MLX: variants seen among roughly 807,000 people sequenced by gnomAD.
MLX encodes the protein MAX dimerization protein MLX.
Under a neutral mutation model 33.0 loss-of-function variants are expected in MLX, and 15 were observed. That is an observed-to-expected ratio of 0.45 (90% CI 0.30 to 0.70). MLX has a LOEUF of 0.70. MLX is among the 30% of genes least tolerant of loss of function. MLX has a pLI of 0.07. For synonymous variants in MLX, 115 were observed against 115.6 expected, an observed-to-expected ratio of 0.99 and a Z score of 0.03; for missense variants, 285 against 306.3, an observed-to-expected ratio of 0.93 and a Z score of 0.52.
chr17:42,571,966 T>C lies in MLX; in HGVS notation c.*363T>C. 3.6e-6 allele frequency: 1 copy of C among 277,270 alleles called. No homozygotes were observed. Among genetic ancestry groups the C allele is most frequent in the Non-Finnish European group, 7.0e-6 (1 of 142,442 alleles). The allele number at this position is 277,270 out of a possible 1,614,324, so 17.2% of individuals were successfully genotyped here. ...ATGATCTACATAGATTTGGAAACTGTTTTCCTCTGTTTTGGTCTCTTGGGC... is the reference window on the plus strand; with the variant it reads ...ATGATCTACATAGATTTGGAAACTGCTTTCCTCTGTTTTGGTCTCTTGGGC... On this transcript the variant is annotated 3_prime_UTR_variant, in exon 8 of 8. Transcript: ENST00000435881.
intron 7 of MLX, 76 bp downstream of exon 7, chr17:42,570,259 G>A: frequency 6.9e-7 from 1 of 1,452,086 alleles, no homozygotes; most frequent in Non-Finnish European, 9.6e-7. Flanking sequence ...ATCAGCTGTT[G>A]AGAAAAGCGT....
At chr17:42,567,680 T>C in intron 2 of MLX, 25 bp downstream of exon 2, 1 of 1,613,896 alleles carries the variant, frequency 6.2e-7, no homozygotes. Flanking sequence ...CATCTTAAGC[T>C]CTAGAGGGAC....
chr17:42,572,472 G>A lies in MLX; in HGVS notation c.*869G>A, dbSNP rs2093038957. The A allele has an allele frequency of 2.2e-6, 1 of 454,456 alleles. No homozygotes were observed. Among genetic ancestry groups the A allele is most frequent in the Non-Finnish European group, 4.4e-6 (1 of 226,768 alleles). 28.2% of individuals were successfully genotyped at this position (454,456 alleles called of 1,614,324 possible). On this transcript the variant is annotated 3_prime_UTR_variant, in exon 8 of 8. Transcript: ENST00000435881. ...GCATTTCTCCCAGGACTTGGGGGTGGGGTGAAAAGCGTACAAAAGATACTT... is the reference window on the plus strand; with the variant it reads ...GCATTTCTCCCAGGACTTGGGGGTGAGGTGAAAAGCGTACAAAAGATACTT...
Position 42,570,967 on chromosome 17 carries a change from A to AT in MLX, c.679-575dup, listed in dbSNP as rs577214221. Reference sequence around the variant, plus strand: ...ACTGTGCCTGGCCTCGTTTCCCAACATTTTTATTGTGAAACACATTAAACA... The same window carrying AT: ...ACTGTGCCTGGCCTCGTTTCCCAACATTTTTTATTGTGAAACACATTAAACA... On this transcript the variant is annotated intron_variant, in intron 7 of 7. Coordinates refer to ENST00000435881, the MANE Select transcript of MLX (RefSeq NM_198204.2). Among the ~76,000 whole-genome samples, 8 of 152,002 alleles carry AT rather than the reference A, an allele frequency of 5.3e-5. No individual in the cohort carries two copies. The East Asian group carries it at 1.6e-3, about 30-fold the overall frequency.
At chr17:42,568,368 AAAAT>A (rs1052070641) in intron 2 of MLX, 98 bp from the exon 3 acceptor site, 40 of 813,050 alleles carry the variant, frequency 4.9e-5, no homozygotes, top group African/African-American at 1.7e-4. Flanking sequence ...GTCTAAAAAA[AAAAT>A]AAATAAATAA....
rs755047112 is a variant in MLX at position 42,571,842 on chromosome 17, C to G, written c.*239C>G. ...TAAAACTCAAACCTACCCAGCCTTCCCCCCACTCCATGGAAGTCCTTGGGA... is the reference window on the plus strand; with the variant it reads ...TAAAACTCAAACCTACCCAGCCTTCGCCCCACTCCATGGAAGTCCTTGGGA... On this transcript the variant is annotated 3_prime_UTR_variant, in exon 8 of 8. Coordinates refer to ENST00000435881, the MANE Select transcript of MLX (RefSeq NM_198204.2). 2 of 536,046 alleles carry G rather than the reference C, an allele frequency of 3.7e-6. No individual in the cohort carries two copies. The highest frequency in any genetic ancestry group is 6.7e-6 in the Non-Finnish European group (2 of 297,356). The allele number at this position is 536,046 out of a possible 1,614,324, so 33.2% of individuals were successfully genotyped here. A position where few individuals can be genotyped will look rare whatever the true frequency, so the allele number is the denominator to read the frequency against.
At chr17:42,569,367 C>CCTA in intron 5 of MLX, 64 bp downstream of exon 5, 12 of 1,550,206 alleles carry the variant, frequency 7.7e-6, no homozygotes, top group Non-Finnish European at 1.1e-5. Flanking sequence ...GCCAGTGCCT[C>CCTA]CTACCCACCC....
intron 2 of MLX, 109 bp from the exon 3 acceptor site, chr17:42,568,361 T>A: frequency 1.5e-6 from 1 of 674,768 alleles, no homozygotes; most frequent in Non-Finnish European, 2.5e-6. Flanking sequence ...AGACTCTGTC[T>A]AAAAAAAAAA....
chr17:42,571,292 C>T (rs1008288526), intron 7 of MLX, among the ~76,000 whole-genome samples: 1 of 152,072 alleles, frequency 6.6e-6, no homozygotes, highest in African/African-American at 2.4e-5. Context: ...CATGTGCCAC[C>T]ACACCTAATT....
At chr17:42,569,860 C>T in intron 6 of MLX, 122 bp from the exon 7 acceptor site, 1 of 943,106 alleles carries the variant, frequency 1.1e-6, no homozygotes, top group Non-Finnish European at 1.6e-6. Context: ...CTCCCTGATA[C>T]TGAACCCCAC....
intron 7 of MLX, 55 bp from the exon 8 acceptor site, chr17:42,571,492 A>G: frequency 2.5e-6 from 4 of 1,582,950 alleles, no homozygotes; most frequent in Non-Finnish European, 3.5e-6. Flanking sequence ...CATCTTGGAA[A>G]CTACTCTGCG....
At chr17:42,567,735 G>A (rs980004777) in intron 2 of MLX, 80 bp downstream of exon 2, 5 of 1,582,650 alleles carry the variant, frequency 3.2e-6, no homozygotes, top group Non-Finnish European at 4.3e-6. Context: ...TGCCAACCAC[G>A]CCTGAGCACA....
In MLX at chr17:42,569,567, C is replaced by T. The variant is rs1048805920; in HGVS notation, c.437C>T (p.Thr146Met). The T allele has an allele frequency of 5.0e-6, 8 of 1,614,024 alleles. No homozygotes were observed. In the East Asian group the frequency reaches 6.7e-5, roughly 13 times the overall value. The change falls in exon 6 of 8, where the codon ACG (threonine) becomes ATG (methionine). Residue 146 changes from threonine (T) to methionine (M), a missense_variant. Coordinates refer to ENST00000435881, the MANE Select transcript of MLX (RefSeq NM_198204.2). The stretch of plus-strand genomic sequence containing the variant: ...AAAAAGCAGGAGGAGGAGGTGTCCA[C>T]GTTACGCAAGGATGTCACCGCCCTA... ...EKKKQEEEVSTLRKDVTALKI... is the reference protein window; with the variant it reads ...EKKKQEEEVSMLRKDVTALKI...
intron 1 of MLX, 42 bp downstream of exon 1, chr17:42,567,208 T>A: frequency 2.3e-6 from 3 of 1,296,106 alleles, no homozygotes; most frequent in Non-Finnish European, 2.9e-6. Flanking sequence ...GGAGGGCGGG[T>A]CGGGCTCGTG....
chr17:42,567,614 C>T lies in MLX; in HGVS notation c.43-5C>T, dbSNP rs1364037434. On this transcript the variant is annotated splice_polypyrimidine_tract_variant and splice_region_variant and intron_variant, in intron 1 of 7. Coordinates refer to ENST00000435881, the MANE Select transcript of MLX (RefSeq NM_198204.2). ...GACGGGCCCTTCCCGTGCTCTGTGC[C>T]GCAGGTGGAGTATGCCTACAGCGAC... 1.7e-5 allele frequency: 28 copies of T among 1,614,016 alleles called. No homozygotes were observed. Among genetic ancestry groups the T allele is most frequent in the South Asian group, 3.3e-5 (3 of 91,074 alleles).
In MLX at chr17:42,572,629, T is replaced by C. The variant is rs1402205474; in HGVS notation, c.*1026T>C. On this transcript the variant is annotated 3_prime_UTR_variant, in exon 8 of 8. Transcript: ENST00000435881. ...ACTTCTGCCTTCCTCAGGTTTGATA[T>C]CTGGCAGGTTTGACTATCCAGAGGA... 1 of 446,830 alleles carries C rather than the reference T, an allele frequency of 2.2e-6. No homozygotes were observed. Among genetic ancestry groups the C allele is most frequent in the Admixed American group, 2.4e-5 (1 of 42,054 alleles). 27.7% of individuals were successfully genotyped at this position (446,830 alleles called of 1,614,324 possible).
chr17:42,572,823 G>C lies in MLX; in HGVS notation c.*1220G>C. ...CTCATCCTCTCTACCCAGTGCTCTG[G>C]TTTATGCTTGTCTCCTGACTGCTCT... is the stretch of plus-strand genomic sequence containing the variant. On this transcript the variant is annotated 3_prime_UTR_variant, in exon 8 of 8. Coordinates refer to ENST00000435881, the MANE Select transcript of MLX (RefSeq NM_198204.2). 1.0e-6 allele frequency: 1 copy of C among 980,148 alleles called. No homozygotes were observed. Among genetic ancestry groups the C allele is most frequent in the Non-Finnish European group, 1.6e-6 (1 of 630,060 alleles). The allele number at this position is 980,148 out of a possible 1,614,324, so 60.7% of individuals were successfully genotyped here. A position where few individuals can be genotyped will look rare whatever the true frequency, so the allele number is the denominator to read the frequency against.
intron 2 of MLX, 156 bp from the exon 3 acceptor site, chr17:42,568,314 G>A: frequency 2.4e-6 from 1 of 424,416 alleles, no homozygotes; most frequent in Non-Finnish European, 4.3e-6. Flanking sequence ...AGTGAGCCGA[G>A]ATCGCGCCAC....
At chr17:42,567,594 G>A in intron 1 of MLX, 25 bp from the exon 2 acceptor site, 2 of 1,613,890 alleles carry the variant, frequency 1.2e-6, no homozygotes, top group Non-Finnish European at 8.5e-7. Flanking sequence ...GGTCTGACGG[G>A]CCCTTCCCGT....
Sources: gnomAD v4.1 joint callset for allele counts (sites outside exome capture counted in the v4.1 genomes callset) on GRCh38, gnomAD v4.1.1 for gene constraint, MANE v1.5 for transcripts, NCBI Gene and HGNC (gene_info 2026-07-23, HGNC 2026-07-21) for gene names.